KLHL1: variants seen among roughly 807,000 people sequenced by gnomAD.
KLHL1 encodes the protein kelch like family member 1, also known as kelch-like protein 1.
A neutral mutation model predicts 77.7 loss-of-function variants in KLHL1; 47 were observed. That is an observed-to-expected ratio of 0.60 (90% CI 0.48 to 0.77). The LOEUF is 0.77. KLHL1 is among the 30% of genes least tolerant of loss of function. The pLI is 0.00. For missense variants in KLHL1, 925 were observed against 910.8 expected, an observed-to-expected ratio of 1.02 and a Z score of -0.20; for synonymous variants, 360 against 325.2, an observed-to-expected ratio of 1.11 and a Z score of -1.15.
chr13:69,940,743 A>G (rs1883338499), intron 3 of KLHL1, among the ~76,000 whole-genome samples: 1 of 104,542 alleles, frequency 9.6e-6, no homozygotes, highest in Admixed American at 1.1e-4. Flanking sequence ...TTTGGTTTTT[A>G]GTTTTTTCTT....
chr13:70,056,173 A>G (rs1048119180), intron 1 of KLHL1, among the ~76,000 whole-genome samples: 6 of 152,138 alleles, frequency 3.9e-5, no homozygotes, highest in African/African-American at 1.2e-4. Context: ...AATGGAAACC[A>G]AAAAAGGACC....
chr13:69,857,704 G>A (rs1879976304), intron 5 of KLHL1, among the ~76,000 whole-genome samples: 1 of 151,882 alleles, frequency 6.6e-6, no homozygotes, highest in Non-Finnish European at 1.5e-5. Flanking sequence ...TAAATTTAAG[G>A]TAAATCATTT....
intron 6 of KLHL1, among the ~76,000 whole-genome samples, chr13:69,812,448 G>A (rs1376241214): frequency 1.3e-5 from 2 of 152,022 alleles, no homozygotes; most frequent in Non-Finnish European, 2.9e-5. Context: ...CAAAAGCAAT[G>A]GCAACAAAAG....
chr13:69,953,443 T>G (rs1883774907), intron 3 of KLHL1, among the ~76,000 whole-genome samples: 1 of 151,080 alleles, frequency 6.6e-6, no homozygotes, highest in Non-Finnish European at 1.5e-5. Flanking sequence ...TAACTCTAGA[T>G]CTAGTAGAAA....
At chr13:69,726,508 C>A (rs1873302364) in intron 8 of KLHL1, among the ~76,000 whole-genome samples, 1 of 150,972 alleles carries the variant, frequency 6.6e-6, no homozygotes, top group East Asian at 1.9e-4. Flanking sequence ...GCTTTTCTTT[C>A]TAGTTGCTAA....
chr13:70,062,728 T>A (rs2137407351), intron 1 of KLHL1, among the ~76,000 whole-genome samples: 1 of 152,292 alleles, frequency 6.6e-6, no homozygotes, highest in East Asian at 1.9e-4. Flanking sequence ...TTCTTGCTTC[T>A]TAATGTATTA....
intron 1 of KLHL1, among the ~76,000 whole-genome samples, chr13:70,042,674 A>T (rs1886404899): frequency 6.6e-6 from 1 of 152,196 alleles, no homozygotes; most frequent in Non-Finnish European, 1.5e-5. Context: ...TCACTATTTG[A>T]TGTATTTACA....
At chr13:70,016,163 A>G (rs1885651753) in intron 1 of KLHL1, among the ~76,000 whole-genome samples, 1 of 152,260 alleles carries the variant, frequency 6.6e-6, no homozygotes, top group South Asian at 2.1e-4. Context: ...AAAGTGTTTT[A>G]TGCTTAAGCC....
At chr13:69,779,623 ATAT>A (rs964705934) in intron 7 of KLHL1, among the ~76,000 whole-genome samples, 12 of 152,078 alleles carry the variant, frequency 7.9e-5, no homozygotes, top group African/African-American at 2.4e-4. Flanking sequence ...TAATTCCAAA[ATAT>A]TATTTGAAAT....
chr13:69,982,831 TTAAA>T (rs1312543589), intron 1 of KLHL1, among the ~76,000 whole-genome samples: 6 of 151,888 alleles, frequency 4.0e-5, no homozygotes, highest in African/African-American at 1.5e-4. Context: ...TTCAGCAAGA[TTAAA>T]TAAAAGTTTT....
At chr13:69,702,204 C>T (rs779415251) in intron 10 of KLHL1, among the ~76,000 whole-genome samples, 1 of 151,584 alleles carries the variant, frequency 6.6e-6, no homozygotes, top group Non-Finnish European at 1.5e-5. Context: ...GTTATTCATT[C>T]ACTCTAGACA....
At chr13:69,901,783 T>C (rs1350099073) in intron 4 of KLHL1, among the ~76,000 whole-genome samples, 1 of 90,294 alleles carries the variant, frequency 1.1e-5, no homozygotes, top group Non-Finnish European at 2.1e-5. Context: ...TTTTCTTTCT[T>C]TTTCTTTTTT....
chr13:70,040,468 T>C (rs1886349455), intron 1 of KLHL1, among the ~76,000 whole-genome samples: 2 of 152,192 alleles, frequency 1.3e-5, no homozygotes, highest in South Asian at 4.1e-4. Flanking sequence ...TAAAAAATTC[T>C]TCTTATTCCA....
intron 7 of KLHL1, among the ~76,000 whole-genome samples, chr13:69,787,556 C>G (rs1224199869): frequency 3.3e-5 from 5 of 152,038 alleles, no homozygotes; most frequent in Non-Finnish European, 7.4e-5. Flanking sequence ...CCATAAAAAC[C>G]CTAGAAGGAA....
chr13:69,973,644 AATT>A (rs1283476442), intron 2 of KLHL1, among the ~76,000 whole-genome samples: 2 of 151,880 alleles, frequency 1.3e-5, no homozygotes, highest in Non-Finnish European at 2.9e-5. Context: ...GTTTTGCGTT[AATT>A]ACAACTGTTT....
chr13:69,903,150 G>T lies in KLHL1; in HGVS notation c.1015-20655C>A, dbSNP rs1881928596. The stretch of plus-strand genomic sequence containing the variant: ...AGCAGCCATGTCTGGGTGAGGGATT[G>T]GTCATGTACTCTAAGTTCTCAGAAA... On this transcript the variant is annotated intron_variant, in intron 4 of 10. Coordinates refer to ENST00000377844, the MANE Select transcript of KLHL1 (RefSeq NM_020866.3). Among the ~76,000 whole-genome samples, 4 of 152,074 alleles carry T rather than the reference G, an allele frequency of 2.6e-5. No homozygotes were observed. In the South Asian group the frequency reaches 8.3e-4, roughly 31 times the overall value.
At chr13:69,923,057 C>A (rs962382263) in intron 4 of KLHL1, among the ~76,000 whole-genome samples, 2 of 152,014 alleles carry the variant, frequency 1.3e-5, no homozygotes, top group Non-Finnish European at 2.9e-5. Flanking sequence ...GCAAATGCAA[C>A]CCTCTCTGTT....
intron 7 of KLHL1, among the ~76,000 whole-genome samples, chr13:69,794,455 G>A (rs1877012566): frequency 6.6e-6 from 1 of 151,490 alleles, no homozygotes. Context: ...GAAAGAAACA[G>A]AGCATCTTAA....
At chr13:69,730,525 CTAT>C (rs1394267639) in intron 8 of KLHL1, among the ~76,000 whole-genome samples, 5 of 152,074 alleles carry the variant, frequency 3.3e-5, no homozygotes, top group African/African-American at 1.2e-4. Context: ...ATGCTTTCCT[CTAT>C]TATCCTCTAT....
Sources: allele counts gnomAD v4.1 joint callset (sites outside exome capture counted in the v4.1 genomes callset), GRCh38; gene constraint gnomAD v4.1.1; transcripts MANE v1.5; gene names NCBI Gene and HGNC (gene_info 2026-07-23, HGNC 2026-07-21).